The following GNPTAB variants were observed in gnomAD, a reference collection of about 807,000 sequenced individuals.
GNPTAB encodes the protein N-acetylglucosamine-1-phosphate transferase subunits alpha and beta, also known as N-acetylglucosamine-1-phosphotransferase subunits alpha/beta.
GNPTAB carries 92 observed loss-of-function variants against 136.6 expected under a neutral mutation model. The observed-to-expected ratio is 0.67, with a 90% CI of 0.57 to 0.80. The LOEUF is 0.80. Among genes scored for constraint, GNPTAB ranks in the 30% least tolerant of loss-of-function variants. GNPTAB has a pLI of 0.00. For synonymous variants in GNPTAB, 512 were observed against 535.1 expected, an observed-to-expected ratio of 0.96 and a Z score of 0.60; for missense variants, 1,343 against 1,501.8, an observed-to-expected ratio of 0.89 and a Z score of 1.75.
At chr12:101,807,317 A>C (rs1329506555) in intron 1 of GNPTAB, among the ~76,000 whole-genome samples, 1 of 152,230 alleles carries the variant, frequency 6.6e-6, no homozygotes, top group Non-Finnish European at 1.5e-5. Context: ...GTTTCACCTA[A>C]TATCATACTT....
chr12:101,766,309 A>G lies in GNPTAB; in HGVS notation c.1409-15T>C, dbSNP rs1490640387. 11 of 1,603,324 alleles carry G rather than the reference A, an allele frequency of 6.9e-6. No individual in the cohort carries two copies. In the Admixed American group the frequency reaches 1.7e-4, roughly 24 times the overall value. ...TCCACTGTTTCCTGTAGATCGGAGGAAGAAGAGGGATTCTTGCTGTAATTA... is the reference window on the plus strand; with the variant it reads ...TCCACTGTTTCCTGTAGATCGGAGGGAGAAGAGGGATTCTTGCTGTAATTA... On this transcript the variant is annotated splice_polypyrimidine_tract_variant and intron_variant, in intron 11 of 20. Transcript: ENST00000299314.
intron 1 of GNPTAB, among the ~76,000 whole-genome samples, chr12:101,826,955 T>C (rs1480619329): frequency 7.7e-6 from 1 of 129,734 alleles, no homozygotes; most frequent in Non-Finnish European, 1.6e-5. Flanking sequence ...GAGTTGTTTT[T>C]TTTTTTTTTT....
chr12:101,790,104 A>T, intron 2 of GNPTAB, 47 bp from the exon 3 acceptor site: 2 of 1,613,250 alleles, frequency 1.2e-6, no homozygotes, highest in Non-Finnish European at 1.7e-6. Context: ...TTTTTCCAAT[A>T]TATTTGGTAA....
At chr12:101,761,380 A>G (rs1175891898) in intron 14 of GNPTAB, 34 bp from the exon 15 acceptor site, 2 of 1,587,016 alleles carry the variant, frequency 1.3e-6, no homozygotes, top group African/African-American at 1.3e-5. Flanking sequence ...AACTCTGGAT[A>G]TTCAAAGTAT....
intron 1 of GNPTAB, among the ~76,000 whole-genome samples, chr12:101,828,591 G>A (rs920375358): frequency 2.0e-5 from 3 of 151,640 alleles, no homozygotes; most frequent in Non-Finnish European, 4.4e-5. Context: ...CCCAGGAGGC[G>A]AGACATGAGA....
intron 1 of GNPTAB, among the ~76,000 whole-genome samples, chr12:101,803,243 A>G (rs1869745414): frequency 6.6e-6 from 1 of 152,210 alleles, no homozygotes; most frequent in South Asian, 2.1e-4. Context: ...AAGTCTTCTT[A>G]GTTTCTGAAA....
intron 1 of GNPTAB, among the ~76,000 whole-genome samples, chr12:101,812,939 G>A (rs1438578337): frequency 6.6e-6 from 1 of 151,582 alleles, no homozygotes; most frequent in Non-Finnish European, 1.5e-5. Context: ...GAGTAGCTGG[G>A]ACTACAAACA....
chr12:101,822,371 GC>G (rs1170301532), intron 1 of GNPTAB, among the ~76,000 whole-genome samples: 2 of 152,136 alleles, frequency 1.3e-5, no homozygotes, highest in Non-Finnish European at 2.9e-5. Context: ...CCGAGATCGC[GC>G]CACTGCACTC....
intron 1 of GNPTAB, among the ~76,000 whole-genome samples, chr12:101,824,438 T>TTTTTC (rs1870984163): frequency 3.6e-5 from 1 of 28,128 alleles, no homozygotes; most frequent in African/African-American, 1.9e-4. Flanking sequence ...ATATATTTTC[T>TTTTTC]TTTTTTTTTT....
intron 1 of GNPTAB, among the ~76,000 whole-genome samples, chr12:101,826,809 A>T (rs1243836349): frequency 1.3e-5 from 2 of 152,202 alleles, no homozygotes; most frequent in Non-Finnish European, 2.9e-5. Flanking sequence ...GCTAAAAAGG[A>T]TCTTAAGAGC....
At chr12:101,768,975 C>T (rs972033993) in intron 10 of GNPTAB, among the ~76,000 whole-genome samples, 3 of 152,212 alleles carry the variant, frequency 2.0e-5, no homozygotes, top group African/African-American at 7.2e-5. Context: ...AAGCCACAAG[C>T]TCAACTTTGA....
rs76010953 is a variant in GNPTAB at position 101,751,584 on chromosome 12, T to C, written c.3602+1788A>G. 1.8e-3 allele frequency among the ~76,000 whole-genome samples: 276 copies of C among 152,376 alleles called. 4 individuals carry two copies. Among genetic ancestry groups the C allele is most frequent in the African/African-American group, 6.4e-3 (265 of 41,580 alleles). On this transcript the variant is annotated intron_variant, in intron 19 of 20. Transcript: ENST00000299314. ...AAACTTATAAAGCAGCTTTGGAATA[T>C]AGTGGAATGTGCAGAGGACTGGGAG...
At chr12:101,761,456 A>G (rs1952993552) in intron 14 of GNPTAB, 108 bp downstream of exon 14, 2 of 1,404,312 alleles carry the variant, frequency 1.4e-6, no homozygotes, top group South Asian at 1.2e-5. Context: ...CCTTTAACAT[A>G]TTAGTCATCA....
chr12:101,819,455 A>C (rs773261427), intron 1 of GNPTAB, among the ~76,000 whole-genome samples: 1 of 152,230 alleles, frequency 6.6e-6, no homozygotes, highest in East Asian at 1.9e-4. Flanking sequence ...TAGAAGCTTT[A>C]TCTAATTGGG....
chr12:101,782,567 T>G (rs561782896), intron 5 of GNPTAB, among the ~76,000 whole-genome samples: 1 of 152,332 alleles, frequency 6.6e-6, no homozygotes, highest in South Asian at 2.1e-4. Flanking sequence ...GTCTGAATTA[T>G]CACAACTTTT....
chr12:101,761,165 GTGT>G lies in GNPTAB; in HGVS notation c.3094_3096del (p.Thr1032del). On this transcript the variant is annotated inframe_deletion, in exon 15 of 21. Transcript: ENST00000299314. ...GGCAGTTCGTGAATTCTGGTAGCCAGTGTTCGGATTTCTCTGTCAGACAAGACA... is the reference window on the plus strand; with the variant it reads ...GGCAGTTCGTGAATTCTGGTAGCCAGTCGGATTTCTCTGTCAGACAAGACA... 1.9e-6 allele frequency: 3 copies of G among 1,614,020 alleles called. No individual in the cohort carries two copies. Among genetic ancestry groups the G allele is most frequent in the Non-Finnish European group, 2.5e-6 (3 of 1,179,876 alleles).
intron 18 of GNPTAB, among the ~76,000 whole-genome samples, chr12:101,755,529 T>C (rs1287362565): frequency 6.6e-6 from 1 of 152,186 alleles, no homozygotes; most frequent in Non-Finnish European, 1.5e-5. Context: ...ATGGTATTAT[T>C]TAACCAATGT....
rs1952987566 is a variant in GNPTAB at position 101,761,236 on chromosome 12, T to G, written c.3026A>C (p.Asn1009Thr). 6.2e-7 allele frequency: 1 copy of G among 1,613,844 alleles called. No homozygotes were observed. The highest frequency in any genetic ancestry group is 1.7e-5 in the Admixed American group (1 of 60,016). The stretch of plus-strand genomic sequence containing the variant: ...AACTTCATCAAAGACTTGAGATATA[T>G]TCAGTGGCTGCACTGCACTCATGAG... Reference protein sequence around the residue: ...YYLMSAVQPLNISQVFDEVDT... With the variant: ...YYLMSAVQPLTISQVFDEVDT... Residue 1009 changes from asparagine to threonine, a missense_variant, in exon 15 of 21, where the codon AAT becomes ACT. Coordinates refer to ENST00000299314, the MANE Select transcript of GNPTAB (RefSeq NM_024312.5).
intron 7 of GNPTAB, among the ~76,000 whole-genome samples, chr12:101,771,526 G>A (rs987440879): frequency 6.6e-6 from 1 of 152,138 alleles, no homozygotes; most frequent in African/African-American, 2.4e-5. Flanking sequence ...TTACAGGCGT[G>A]AGCCACTGCA....
Sources: allele counts gnomAD v4.1 joint callset (sites outside exome capture counted in the v4.1 genomes callset), GRCh38; gene constraint gnomAD v4.1.1; transcripts MANE v1.5; gene names NCBI Gene and HGNC (gene_info 2026-07-23, HGNC 2026-07-21).